The following ASPDH variants were observed in gnomAD, a reference collection of about 807,000 sequenced individuals.
The protein encoded by ASPDH is aspartate dehydrogenase domain containing.
A neutral mutation model predicts 30.5 loss-of-function variants in ASPDH; 25 were observed. The ratio of observed to expected loss-of-function variants is 0.82; its 90% confidence interval spans 0.60 to 1.14. The LOEUF (loss-of-function observed/expected upper bound fraction) is 1.14. Ranked by LOEUF, ASPDH falls within the 50% of genes most tolerant of loss-of-function variation. The pLI is 0.00. For missense variants in ASPDH, 401 were observed against 381.5 expected, an observed-to-expected ratio of 1.05 and a Z score of -0.43; for synonymous variants, 168 against 156.3, an observed-to-expected ratio of 1.07 and a Z score of -0.56.
chr19:50,512,991 T>A lies in ASPDH; in HGVS notation c.218A>T (p.Glu73Val). Reference sequence around the variant, plus strand: ...ATGGATTATTTTGGGATGGGCCACTTCCACAACCAGATCAGGGCGCCTGGG... The same window carrying A: ...ATGGATTATTTTGGGATGGGCCACTACCACAACCAGATCAGGGCGCCTGGG... The part of the protein sequence containing the change: ...LGERRPDLVV[E>V]VAHPKIIHES... The change falls in exon 3 of 7, where the codon GAA becomes GTA. Residue 73 changes from glutamate (E) to valine (V), a missense_variant. By Grantham distance (121) the Glu-to-Val change is moderately radical (BLOSUM62 -2). Coordinates refer to ENST00000389208, the MANE Select transcript of ASPDH (RefSeq NM_001114598.2). 1 of 1,613,570 alleles carries A rather than the reference T, an allele frequency of 6.2e-7. No homozygotes were observed.
In ASPDH at chr19:50,512,911, T is replaced by C. The variant is rs1481225449; in HGVS notation, c.282+16A>G. 2.5e-6 allele frequency: 4 copies of C among 1,609,828 alleles called. No homozygotes were observed. The highest frequency in any genetic ancestry group is 2.5e-6 in the Non-Finnish European group (3 of 1,177,810). On this transcript the variant is annotated intron_variant, in intron 3 of 6. Transcript: ENST00000389208. Reference sequence around the variant, plus strand: ...AAGGGGCAGGGCTCTGCGTAAATGGTTGGGGTGGGGCTTACCAGGAGATTG... The same window carrying C: ...AAGGGGCAGGGCTCTGCGTAAATGGCTGGGGTGGGGCTTACCAGGAGATTG...
intron 6 of ASPDH, 76 bp from the exon 7 acceptor site, chr19:50,511,849 G>T: frequency 9.6e-7 from 1 of 1,042,272 alleles, no homozygotes. Context: ...GCAGTGGTGG[G>T]AGGAGGGGAC....
In ASPDH at chr19:50,513,866, C is replaced by A; in HGVS notation, c.-43G>T. ...CTGGGGCCTGGCTCCCTGGGCTGCT[C>A]GCTGCCCGCTGCACAAGGCCTGGGC... On this transcript the variant is annotated 5_prime_UTR_variant, in exon 1 of 7. It introduces an in-frame stop codon into an upstream open reading frame of the 5' UTR. Transcript: ENST00000389208. This position sits in a 1 kb window ranked among gnomAD's most constrained non-coding sequence, Gnocchi z 4.9. 2 of 1,540,122 alleles carry A rather than the reference C, an allele frequency of 1.3e-6. No homozygotes were observed. The highest frequency in any genetic ancestry group is 8.8e-7 in the Non-Finnish European group (1 of 1,142,200).
rs756116193 is a variant in ASPDH at position 50,513,812 on chromosome 19, C to T, written c.12G>A (p.Arg4=). 36 of 1,550,666 alleles carry T rather than the reference C, an allele frequency of 2.3e-5. No individual in the cohort carries two copies. Among genetic ancestry groups the T allele is most frequent in the Non-Finnish European group, 3.0e-5 (34 of 1,146,852 alleles). The change falls in exon 1 of 7, where the codon AGG becomes AGA. Residue 4 remains arginine, a synonymous_variant. Coordinates refer to ENST00000389208, the MANE Select transcript of ASPDH (RefSeq NM_001114598.2). The surrounding 1 kb of genome is among the most constrained non-coding windows in gnomAD (Gnocchi z 4.9). The part of the protein sequence containing the change: MAD[R]GPWRVGVVGY... The stretch of plus-strand genomic sequence containing the variant: ...CCACCACGCCCACCCTCCACGGGCC[C>T]CTGTCGGCCATGGCCCTGAGTGCGG...
At chr19:50,512,883 C>A (rs750239189) in intron 3 of ASPDH, 44 bp downstream of exon 3, 1 of 1,602,360 alleles carries the variant, frequency 6.2e-7, no homozygotes, top group Non-Finnish European at 8.5e-7. Context: ...GAGACCAAGA[C>A]AGAAGGGGCA....
At chr19:50,514,703 C>T, upstream of ASPDH, 1 of 1,475,396 alleles carries the variant, frequency 6.8e-7, no homozygotes, top group East Asian at 2.5e-5. Context: ...AGGCTCCCTG[C>T]CCCCAGCCAC....
chr19:50,514,886 C>T (rs1307947743), upstream of ASPDH: 5 of 984,946 alleles, frequency 5.1e-6, no homozygotes, highest in Non-Finnish European at 4.8e-6. Flanking sequence ...CAGAGAGGGG[C>T]CAAGACCCCG....
At position 50,512,139 on chromosome 19, in the gene ASPDH, G is replaced by C. The variant is rs752652112; in HGVS notation, c.805C>G (p.Leu269Val). Residue 269 changes from leucine (L) to valine (V), a missense_variant, in exon 6 of 7, where the codon CTG becomes GTG. Transcript: ENST00000389208. ...ATVTAFWQSL[L>V]ACCQLPSRPG... ...GGGGAGAGGGGCCTGGCCGCACCCA[G>C]GAGGCTCTGCCAGAAGGCCGTGACG... 1 of 1,552,520 alleles carries C rather than the reference G, an allele frequency of 6.4e-7. No individual in the cohort carries two copies. The highest frequency in any genetic ancestry group is 2.4e-5 in the East Asian group (1 of 42,104).
At position 50,511,766 on chromosome 19, in the gene ASPDH, G is replaced by A. The variant is rs769087319; in HGVS notation, c.816C>T (p.Cys272=). 7.6e-7 allele frequency: 1 copy of A among 1,318,516 alleles called. No individual in the cohort carries two copies. The highest frequency in any genetic ancestry group is 9.7e-7 in the Non-Finnish European group (1 of 1,028,724). 81.7% of individuals were successfully genotyped at this position (1,318,516 alleles called of 1,614,324 possible). A position where few individuals can be genotyped will look rare whatever the true frequency, so the allele number is the denominator to read the frequency against. ...GGATCCCCGGCCTGGAGGGGAGCTGGCAGCAGGCTGCGGGGAGAGGGGAAT... is the reference window on the plus strand; with the variant it reads ...GGATCCCCGGCCTGGAGGGGAGCTGACAGCAGGCTGCGGGGAGAGGGGAAT... The part of the protein sequence containing the change: ...TAFWQSLLAC[C]QLPSRPGIHL... The change falls in exon 7 of 7, where the codon TGC becomes TGT. Residue 272 remains cysteine (C), a synonymous_variant. Coordinates refer to ENST00000389208, the MANE Select transcript of ASPDH (RefSeq NM_001114598.2).
At position 50,512,201 on chromosome 19, in the gene ASPDH, TTC is replaced by T. The variant is rs760828239; in HGVS notation, c.741_742del (p.Asn248ProfsTer69). The T allele has an allele frequency of 1.9e-6, 3 of 1,603,902 alleles. No individual in the cohort carries two copies. The highest frequency in any genetic ancestry group is 1.7e-6 in the Non-Finnish European group (2 of 1,177,420). The stretch of plus-strand genomic sequence containing the variant: ...GGTGACCGCGCCTGGCTCGGCAGGG[TTC>T]TCTCTGCGGGTGTGCACAGCAAAGC... On this transcript the variant is annotated frameshift_variant, in exon 6 of 7. Transcript: ENST00000389208. LOFTEE classifies it high-confidence loss of function.
rs116995433 is a variant in ASPDH at position 50,512,943 on chromosome 19, C to T, written c.266G>A (p.Arg89His). ...GGGGCTTACCAGGAGATTGGCATGG[C>T]GCAGGATTTGTGCCCCAGATTCATG... ...IIHESGAQIL[R>H]HANLLVGSPS... is the part of the protein sequence containing the mutation. The change falls in exon 3 of 7, where the codon CGC (arginine) becomes CAC (histidine). Residue 89 changes from arginine (R) to histidine (H), a missense_variant. Physicochemically the swap from Arg to His is conservative, Grantham distance 29. Transcript: ENST00000389208. 0.017 allele frequency: 28,137 copies of T among 1,613,164 alleles called. 282 individuals are homozygous for T. Among genetic ancestry groups the T allele is most frequent in the Non-Finnish European group, 0.021 (25,020 of 1,179,558 alleles).
upstream of ASPDH, chr19:50,515,057 A>G (rs1482856295): frequency 5.1e-6 from 5 of 985,018 alleles, no homozygotes; most frequent in African/African-American, 3.5e-5. Context: ...CGCCATCTCT[A>G]CCTTCTGACT....
intron 6 of ASPDH, 21 bp from the exon 7 acceptor site, chr19:50,511,794 G>C: frequency 7.6e-7 from 1 of 1,318,322 alleles, no homozygotes; most frequent in East Asian, 3.1e-5. Context: ...AGGGGAATGA[G>C]CGAATGAGAC....
Position 50,511,754 on chromosome 19 carries a change from G to T in ASPDH, c.828C>A (p.Ser276=). The T allele has an allele frequency of 7.6e-7, 1 of 1,318,550 alleles. No homozygotes were observed. The highest frequency in any genetic ancestry group is 2.5e-5 in the South Asian group (1 of 39,836). The allele number at this position is 1,318,550 out of a possible 1,614,324, so 81.7% of individuals were successfully genotyped here. ...QSLLACCQLP[S]RPGIHLC is the part of the protein sequence containing the mutation. ...CTCAGCAGAGATGGATCCCCGGCCT[G>T]GAGGGGAGCTGGCAGCAGGCTGCGG... The change falls in exon 7 of 7, where the codon TCC becomes TCA. Residue 276 remains serine (S), a synonymous_variant. Coordinates refer to ENST00000389208, the MANE Select transcript of ASPDH (RefSeq NM_001114598.2).
In ASPDH at chr19:50,513,384, C is replaced by G. The variant is rs529674868; in HGVS notation, c.85G>C (p.Gly29Arg). 2 of 1,532,042 alleles carry G rather than the reference C, an allele frequency of 1.3e-6. No homozygotes were observed. The highest frequency in any genetic ancestry group is 1.2e-5 in the South Asian group (1 of 80,806). The allele number at this position is 1,532,042 out of a possible 1,614,324, so 94.9% of individuals were successfully genotyped here. A position where few individuals can be genotyped will look rare whatever the true frequency, so the allele number is the denominator to read the frequency against. ...ACAAGTTCTAGGCCAAGTTCTGGTC[C>G]CTGAGCCAAGAGGCGGGAGACGAGG... Reference protein sequence around the residue: ...QSLVSRLLAQGPELGLELVFV... With the variant: ...QSLVSRLLAQRPELGLELVFV... Residue 29 changes from glycine to arginine, a missense_variant, in exon 2 of 7, where the codon GGA becomes CGA. By Grantham distance (125) the Gly-to-Arg change is moderately radical. Transcript: ENST00000389208. This position sits in a 1 kb window ranked among gnomAD's most constrained non-coding sequence, Gnocchi z 4.9.
rs769460081 is a variant in ASPDH, at chr19:50,512,821, T to C, written c.283-11A>G. 1.4e-5 allele frequency: 22 copies of C among 1,600,364 alleles called. No individual in the cohort carries two copies. Among genetic ancestry groups the C allele is most frequent in the Non-Finnish European group, 1.9e-5 (22 of 1,173,184 alleles). On this transcript the variant is annotated splice_polypyrimidine_tract_variant and intron_variant, in intron 3 of 6. Coordinates refer to ENST00000389208, the MANE Select transcript of ASPDH (RefSeq NM_001114598.2). Reference sequence around the variant, plus strand: ...TGAGGGGGACCCCACCTGGGGTGGATGAAGGAGGGGAGGGTTGAGGTCAGG... The same window carrying C: ...TGAGGGGGACCCCACCTGGGGTGGACGAAGGAGGGGAGGGTTGAGGTCAGG...
Position 50,513,028 on chromosome 19 carries a change from A to T in ASPDH, c.198-17T>A, listed in dbSNP as rs776035535. The T allele has an allele frequency of 6.2e-7, 1 of 1,602,428 alleles. No individual in the cohort carries two copies. Among genetic ancestry groups the T allele is most frequent in the South Asian group, 1.1e-5 (1 of 90,258 alleles). On this transcript the variant is annotated splice_polypyrimidine_tract_variant and intron_variant, in intron 2 of 6. Coordinates refer to ENST00000389208, the MANE Select transcript of ASPDH (RefSeq NM_001114598.2). This position sits in a 1 kb window ranked among gnomAD's most constrained non-coding sequence, Gnocchi z 4.9. ...TCAGGGCGCCTGGGAGAGGGGAAAG[A>T]GGGCGGAGGGTCTTGGAGAGGTATT...
chr19:50,513,807 G>T lies in ASPDH; in HGVS notation c.17C>A (p.Pro6Gln), dbSNP rs7248272. The change falls in exon 1 of 7, where the codon CCG (proline) becomes CAG (glutamine). Residue 6 changes from proline to glutamine, a missense_variant. By Grantham distance (76) the Pro-to-Gln change is moderately conservative (BLOSUM62 -1). Transcript: ENST00000389208. This position sits in a 1 kb window ranked among gnomAD's most constrained non-coding sequence, Gnocchi z 4.9. MADRG[P>Q]WRVGVVGYGR... ...ATAGCCCACCACGCCCACCCTCCAC[G>T]GGCCCCTGTCGGCCATGGCCCTGAG... 2 of 1,550,740 alleles carry T rather than the reference G, an allele frequency of 1.3e-6. No individual in the cohort carries two copies. The highest frequency in any genetic ancestry group is 2.4e-5 in the East Asian group (1 of 40,892).
chr19:50,511,664 G>T lies in ASPDH; in HGVS notation c.*66C>A. ...GGAGACCCTGGGGAAGTGGGGCAGG[G>T]CAGGGGTGGGATGGTGGTGGTGAGA... is the stretch of plus-strand genomic sequence containing the variant. On this transcript the variant is annotated 3_prime_UTR_variant, in exon 7 of 7. Transcript: ENST00000389208. The T allele has an allele frequency of 1.9e-6, 2 of 1,044,232 alleles. No individual in the cohort carries two copies. The highest frequency in any genetic ancestry group is 2.5e-6 in the Non-Finnish European group (2 of 785,746). The allele number at this position is 1,044,232 out of a possible 1,614,324, so 64.7% of individuals were successfully genotyped here.
Sources: allele counts gnomAD v4.1 joint callset, GRCh38; gene constraint gnomAD v4.1.1; non-coding constraint Gnocchi (gnomAD v3.1); transcripts MANE v1.5; gene names NCBI Gene and HGNC (gene_info 2026-07-23, HGNC 2026-07-21).